The following SUFU variants were observed in gnomAD, a reference collection of about 807,000 sequenced individuals.
The protein encoded by SUFU is suppressor of fused homolog.
In SUFU, 7 loss-of-function variants were observed where a neutral mutation model predicts 58.9. That is an observed-to-expected ratio of 0.12 (90% CI 0.07 to 0.22). The LOEUF is 0.22. Ranked by LOEUF, SUFU falls within the 10% of genes least tolerant of loss-of-function variation. The probability of loss-of-function intolerance (pLI) is 1.00; values close to 1 mark genes in which losing one functional copy is unlikely to be tolerated. For synonymous variants in SUFU, 232 were observed against 254.8 expected, an observed-to-expected ratio of 0.91 and a Z score of 0.85; for missense variants, 451 against 641.3, an observed-to-expected ratio of 0.70 and a Z score of 3.20.
intron 2 of SUFU, among the ~76,000 whole-genome samples, chr10:102,530,263 C>T (rs748330428): frequency 1.3e-4 from 19 of 151,994 alleles, no homozygotes; most frequent in Non-Finnish European, 2.1e-4. Context: ...CAGTTTCCAC[C>T]TAAGTCCACC....
rs2063852707 is a variant in SUFU at position 102,633,243 on chromosome 10, ACCCCT to A, written c.*3091_*3095del. On this transcript the variant is annotated 3_prime_UTR_variant, in exon 12 of 12. Coordinates refer to ENST00000369902, the MANE Select transcript of SUFU (RefSeq NM_016169.4). Reference sequence around the variant, plus strand: ...TACAAGTCAGGAGCCCTGTAGGGAGACCCCTCCTTTTGTACAAGTACCTGAATGCT... The same window carrying A: ...TACAAGTCAGGAGCCCTGTAGGGAGACCTTTTGTACAAGTACCTGAATGCT... 1 of 232,578 alleles carries A rather than the reference ACCCCT, an allele frequency of 4.3e-6. No homozygotes were observed. Among genetic ancestry groups the A allele is most frequent in the Non-Finnish European group, 8.5e-6 (1 of 117,700 alleles). The allele number at this position is 232,578 out of a possible 1,614,324, so 14.4% of individuals were successfully genotyped here.
intron 3 of SUFU, among the ~76,000 whole-genome samples, chr10:102,591,986 C>T (rs1194507687): frequency 6.6e-6 from 1 of 152,174 alleles, no homozygotes; most frequent in African/African-American, 2.4e-5. Context: ...GTTGTCTCTG[C>T]CACGGTGTGG....
At chr10:102,542,370 A>G (rs61871069) in intron 2 of SUFU, among the ~76,000 whole-genome samples, 52,701 of 151,308 alleles carry the variant, frequency 0.35, 9,339 homozygotes, top group African/African-American at 0.39. Context: ...TGACCTCATG[A>G]TCCGCCCACC....
At chr10:102,612,748 T>C (rs1293624556) in intron 8 of SUFU, among the ~76,000 whole-genome samples, 3 of 152,098 alleles carry the variant, frequency 2.0e-5, no homozygotes, top group Admixed American at 6.5e-5. Context: ...AGGGGAGTGA[T>C]TGTGAGAGTC....
chr10:102,590,835 A>G (rs192262192), intron 3 of SUFU: 1 of 152,288 alleles, frequency 6.6e-6, no homozygotes, highest in East Asian at 1.9e-4. Context: ...TTGTAGAAAC[A>G]CACTTACGTA....
At chr10:102,577,233 A>G (rs1416603077) in intron 3 of SUFU, among the ~76,000 whole-genome samples, 2 of 151,764 alleles carry the variant, frequency 1.3e-5, no homozygotes, top group African/African-American at 4.8e-5. Flanking sequence ...ATAGGCGTCC[A>G]CTAACACGCC....
chr10:102,623,899 C>T (rs925387519), intron 10 of SUFU, among the ~76,000 whole-genome samples: 7 of 152,100 alleles, frequency 4.6e-5, no homozygotes, highest in Admixed American at 4.6e-4. Flanking sequence ...AAGATTGTAC[C>T]ACTGCACTCC....
intron 3 of SUFU, among the ~76,000 whole-genome samples, chr10:102,564,955 C>A (rs2063072754): frequency 1.3e-5 from 2 of 152,156 alleles, no homozygotes; most frequent in African/African-American, 4.8e-5. Context: ...AGGTCAGTCC[C>A]TCAGAAATGA....
intron 3 of SUFU, among the ~76,000 whole-genome samples, chr10:102,562,714 A>T (rs1304999199): frequency 2.0e-5 from 3 of 152,162 alleles, no homozygotes; most frequent in African/African-American, 7.2e-5. Context: ...AACATGGTGA[A>T]ACCTCATCTC....
intron 9 of SUFU, among the ~76,000 whole-genome samples, chr10:102,616,778 GCC>G (rs765969672): frequency 2.0e-5 from 3 of 152,180 alleles, no homozygotes; most frequent in Non-Finnish European, 2.9e-5. Flanking sequence ...CTTTGGGCCA[GCC>G]ACTTGAATGT....
intron 3 of SUFU, among the ~76,000 whole-genome samples, chr10:102,553,410 AAC>A (rs1296756653): frequency 6.6e-6 from 1 of 152,154 alleles, no homozygotes; most frequent in Non-Finnish European, 1.5e-5. Flanking sequence ...CAAGCAAGAC[AAC>A]ACAGGTTGAG....
rs182795476 is a variant in SUFU at position 102,592,555 on chromosome 10, A to C, written c.455-27A>C. On this transcript the variant is annotated intron_variant, in intron 3 of 11. Coordinates refer to ENST00000369902, the MANE Select transcript of SUFU (RefSeq NM_016169.4). The stretch of plus-strand genomic sequence containing the variant: ...AGGCCTGGATCTGGGGCCTTGAACA[A>C]TGAGGATCCTTGTATCTCTCCCACA... 3.3e-4 allele frequency: 532 copies of C among 1,613,450 alleles called. 6 individuals are homozygous for C. The East Asian group carries it at 0.011, about 32-fold the overall frequency.
intron 8 of SUFU, among the ~76,000 whole-genome samples, chr10:102,612,151 C>T (rs2063631106): frequency 6.6e-6 from 1 of 151,100 alleles, no homozygotes; most frequent in African/African-American, 2.4e-5. Flanking sequence ...AGAAACAAAT[C>T]AGCAGAAAAC....
chr10:102,577,425 C>T (rs919536398), intron 3 of SUFU, among the ~76,000 whole-genome samples: 1 of 152,024 alleles, frequency 6.6e-6, no homozygotes, highest in Non-Finnish European at 1.5e-5. Flanking sequence ...TGGGTCACTG[C>T]AGCCTCCCTC....
At chr10:102,511,225 A>G (rs1488694901) in intron 2 of SUFU, among the ~76,000 whole-genome samples, 1 of 151,888 alleles carries the variant, frequency 6.6e-6, no homozygotes, top group African/African-American at 2.4e-5. Flanking sequence ...TTCAATTTAA[A>G]TGTAATCTTT....
At chr10:102,563,538 G>T (rs1485469282) in intron 3 of SUFU, among the ~76,000 whole-genome samples, 2 of 151,960 alleles carry the variant, frequency 1.3e-5, no homozygotes, top group Non-Finnish European at 2.9e-5. Flanking sequence ...TGGGTGTGGT[G>T]GCTTATACGT....
At chr10:102,549,480 G>T (rs2062888845) in intron 2 of SUFU, among the ~76,000 whole-genome samples, 1 of 152,200 alleles carries the variant, frequency 6.6e-6, no homozygotes, top group African/African-American at 2.4e-5. Context: ...TACACGTGGA[G>T]ACTATGGGGA....
chr10:102,619,210 C>A lies in SUFU; in HGVS notation c.1296+1782C>A. ...CGCAGATGTCACATTGCCCCTCAGT[C>A]CCCTGAATGCCCTTCGGACCCAACC... is the stretch of plus-strand genomic sequence containing the variant. On this transcript the variant is annotated intron_variant, in intron 10 of 11. Transcript: ENST00000369902. The surrounding 1 kb of genome is among the most constrained non-coding windows in gnomAD (Gnocchi z 4.2). 6.3e-7 allele frequency: 1 copy of A among 1,581,560 alleles called. No homozygotes were observed. Among genetic ancestry groups the A allele is most frequent in the South Asian group, 1.1e-5 (1 of 88,684 alleles).
chr10:102,532,126 C>T (rs1463691532), intron 2 of SUFU, among the ~76,000 whole-genome samples: 1 of 152,062 alleles, frequency 6.6e-6, no homozygotes, highest in Non-Finnish European at 1.5e-5. Context: ...CTATGCTCAG[C>T]TATTTTATTA....
Sources: allele counts gnomAD v4.1 joint callset (sites outside exome capture counted in the v4.1 genomes callset), GRCh38; gene constraint gnomAD v4.1.1; non-coding constraint Gnocchi (gnomAD v3.1); transcripts MANE v1.5; gene names NCBI Gene and HGNC (gene_info 2026-07-23, HGNC 2026-07-21).